Variants in ZNF488 observed in about 807,000 individuals in gnomAD.
The protein encoded by ZNF488 is zinc finger protein 488.
A neutral mutation model predicts 1.2 loss-of-function variants in ZNF488; 1 was observed. That is an observed-to-expected ratio of 0.86 (90% confidence interval 0.30 to 4.07). The LOEUF (loss-of-function observed/expected upper bound fraction) is 4.07. Ranked by LOEUF, ZNF488 falls within the 30% of genes most tolerant of loss-of-function variation. ZNF488 has a pLI of 0.18. For missense variants in ZNF488, 450 were observed against 437.9 expected (o/e 1.03, Z -0.25); for synonymous variants, 185 against 190.1 (o/e 0.97, Z 0.22).
rs1422183455 is a variant in ZNF488 at position 47,370,477 on chromosome 10, GAGTCACCTTAAGGGTGGAGGTCACAC to G, written c.-108-1566_-108-1541del. Among the ~76,000 whole-genome samples, 10 of 152,344 alleles carry G rather than the reference GAGTCACCTTAAGGGTGGAGGTCACAC, an allele frequency of 6.6e-5. No homozygotes were observed. The East Asian group carries it at 1.9e-3, about 29-fold the overall frequency. ...CAGCTGATTGGCCTGTGGGTGCCAA[GAGTCACCTTAAGGGTGGAGGTCACAC>G]AAGGGCCTGGAACTCTGAAAGTACT... is the stretch of plus-strand genomic sequence containing the variant. On this transcript the variant is annotated intron_variant, in intron 1 of 1. Transcript: ENST00000585316.
chr10:47,377,671 TCACACACACACACACACA>T (rs55901237), intron 1 of ZNF488, among the ~76,000 whole-genome samples: 51 of 104,968 alleles, frequency 4.9e-4, no homozygotes, highest in African/African-American at 9.4e-4. Flanking sequence ...GCAATAACAA[TCACACACACACACACACA>T]CACACACACA....
At chr10:47,376,699 AC>A (rs1189299822) in intron 1 of ZNF488, among the ~76,000 whole-genome samples, 6 of 152,140 alleles carry the variant, frequency 3.9e-5, no homozygotes, top group African/African-American at 1.4e-4. Flanking sequence ...AGCCTTCCAG[AC>A]CACCAGATCC....
Position 47,366,027 on chromosome 10 carries a change from C to G in ZNF488, c.*1780G>C, listed in dbSNP as rs1200911577. 1.8e-5 allele frequency: 3 copies of G among 167,016 alleles called. No individual in the cohort carries two copies. Among genetic ancestry groups the G allele is most frequent in the Non-Finnish European group, 4.4e-5 (3 of 68,138 alleles). 10.3% of individuals were successfully genotyped at this position (167,016 alleles called of 1,614,324 possible). ...ACTGGAAGTGTTATAGCATCATCTG[C>G]AATTGACTCATTGTAGAAATGGAAA... On this transcript the variant is annotated 3_prime_UTR_variant, in exon 2 of 2. Transcript: ENST00000585316.
Position 47,365,786 on chromosome 10 carries a change from A to G in ZNF488, c.*2021T>C, listed in dbSNP as rs3167875. 35,013 of 167,156 alleles carry G rather than the reference A, an allele frequency of 0.21. 3,941 individuals carry two copies. The highest frequency in any genetic ancestry group is 0.32 in the Middle Eastern group (94 of 296). 10.4% of individuals were successfully genotyped at this position (167,156 alleles called of 1,614,324 possible). ...AGAAGAAGCCCTGTGGAACCATAGC[A>G]GGAGCAGCACCATGAAGAGCTAGAT... On this transcript the variant is annotated 3_prime_UTR_variant, in exon 2 of 2. Coordinates refer to ENST00000585316, the MANE Select transcript of ZNF488 (RefSeq NM_153034.4).
At chr10:47,383,870 T>C (rs1272002456) in intron 1 of ZNF488, among the ~76,000 whole-genome samples, 1 of 150,084 alleles carries the variant, frequency 6.7e-6, no homozygotes, top group Non-Finnish European at 1.5e-5. Flanking sequence ...AATTCTTGAG[T>C]GCTGAAAAAA....
In ZNF488 at chr10:47,367,895, C is replaced by T. The variant is rs146850128; in HGVS notation, c.935G>A (p.Arg312Gln). ...AGGGCAGGCAAGGGCCTCTTCTCTCCGCTTCTGAGAATGTGGGTCAGGCCC... is the reference window on the plus strand; with the variant it reads ...AGGGCAGGCAAGGGCCTCTTCTCTCTGCTTCTGAGAATGTGGGTCAGGCCC... ...HAGPDPHSQK[R>Q]REEALACPVC... The change falls in exon 2 of 2, where the codon CGG becomes CAG. Residue 312 changes from arginine to glutamine, a missense_variant. Arg to Gln is a conservative substitution (Grantham distance 43). Transcript: ENST00000585316. 56 of 1,613,922 alleles carry T rather than the reference C, an allele frequency of 3.5e-5. No individual in the cohort carries two copies. Among genetic ancestry groups the T allele is most frequent in the African/African-American group, 6.7e-5 (5 of 74,920 alleles).
chr10:47,371,091 T>A (rs1555213812), intron 1 of ZNF488, among the ~76,000 whole-genome samples: 1 of 152,188 alleles, frequency 6.6e-6, no homozygotes, highest in Non-Finnish European at 1.5e-5. Flanking sequence ...CAGAAGGGAC[T>A]GCCCAGGGTT....
At position 47,367,500 on chromosome 10, in the gene ZNF488, A is replaced by G. The variant is rs1391658419; in HGVS notation, c.*307T>C. The G allele has an allele frequency of 2.9e-5, 12 of 409,990 alleles. No homozygotes were observed. The highest frequency in any genetic ancestry group is 5.0e-5 in the Non-Finnish European group (11 of 221,690). The allele number at this position is 409,990 out of a possible 1,614,324, so 25.4% of individuals were successfully genotyped here. On this transcript the variant is annotated 3_prime_UTR_variant, in exon 2 of 2. Coordinates refer to ENST00000585316, the MANE Select transcript of ZNF488 (RefSeq NM_153034.4). ...ACAGCTAGTATGTGAAAGAGCCCAGATTCGAATCCAGGCTTGTGTGCCTCC... is the reference window on the plus strand; with the variant it reads ...ACAGCTAGTATGTGAAAGAGCCCAGGTTCGAATCCAGGCTTGTGTGCCTCC...
intron 1 of ZNF488, among the ~76,000 whole-genome samples, chr10:47,377,718 C>T (rs1425220291): frequency 1.4e-5 from 2 of 145,402 alleles, no homozygotes; most frequent in Admixed American, 7.0e-5. Context: ...CACACACACA[C>T]GGCTGCCACC....
chr10:47,376,373 C>A (rs187917614), intron 1 of ZNF488, among the ~76,000 whole-genome samples: 2 of 152,258 alleles, frequency 1.3e-5, no homozygotes, highest in Non-Finnish European at 2.9e-5. Context: ...GACTGAGGGG[C>A]AGGAATTCAG....
Position 47,367,614 on chromosome 10 carries a change from T to G in ZNF488, c.*193A>C. ...GATTTGCAAAGCCCATCACTTTATTTCAGGACTTCATTTCCTTCAAAACAC... is the reference window on the plus strand; with the variant it reads ...GATTTGCAAAGCCCATCACTTTATTGCAGGACTTCATTTCCTTCAAAACAC... On this transcript the variant is annotated 3_prime_UTR_variant, in exon 2 of 2. Coordinates refer to ENST00000585316, the MANE Select transcript of ZNF488 (RefSeq NM_153034.4). 3 of 695,282 alleles carry G rather than the reference T, an allele frequency of 4.3e-6. No homozygotes were observed. The highest frequency in any genetic ancestry group is 4.1e-5 in the South Asian group (2 of 48,690). The allele number at this position is 695,282 out of a possible 1,614,324, so 43.1% of individuals were successfully genotyped here. A position where few individuals can be genotyped will look rare whatever the true frequency, so the allele number is the denominator to read the frequency against.
chr10:47,368,481 C>T lies in ZNF488; in HGVS notation c.349G>A (p.Ala117Thr), dbSNP rs1399226738. The change falls in exon 2 of 2, where the codon GCC (alanine) becomes ACC (threonine). Residue 117 changes from alanine (A) to threonine (T), a missense_variant. By Grantham distance (58) the Ala-to-Thr change is moderately conservative. Coordinates refer to ENST00000585316, the MANE Select transcript of ZNF488 (RefSeq NM_153034.4). ...GGGTCATCGTGCTCCCTCTCCTGGG[C>T]CTGAGCATCCACCTGCCGGTCCTTC... is the stretch of plus-strand genomic sequence containing the variant. ...RMKDRQVDAQ[A>T]QEREHDDPTG... The T allele has an allele frequency of 3.1e-6, 5 of 1,613,668 alleles. 1 individual carries two copies. In the South Asian group the frequency reaches 4.4e-5, roughly 14 times the overall value.
At chr10:47,370,639 A>T (rs75069302) in intron 1 of ZNF488, among the ~76,000 whole-genome samples, 14,127 of 152,310 alleles carry the variant, frequency 0.093, 706 homozygotes, top group South Asian at 0.12. Context: ...ATAGTGGTGA[A>T]AGCAACAAGC....
At chr10:47,375,052 G>A (rs1268469102) in intron 1 of ZNF488, among the ~76,000 whole-genome samples, 1 of 152,230 alleles carries the variant, frequency 6.6e-6, no homozygotes, top group Non-Finnish European at 1.5e-5. Flanking sequence ...ACGAAACTGA[G>A]TGGACACAGC....
At position 47,367,787 on chromosome 10, in the gene ZNF488, G is replaced by A. The variant is rs532561179; in HGVS notation, c.*20C>T. On this transcript the variant is annotated 3_prime_UTR_variant, in exon 2 of 2. Coordinates refer to ENST00000585316, the MANE Select transcript of ZNF488 (RefSeq NM_153034.4). Reference sequence around the variant, plus strand: ...CAAAGGCTGGCTGCTGCACCCAGCAGGTCATTCTGCGGTCACCTGCTAGCT... The same window carrying A: ...CAAAGGCTGGCTGCTGCACCCAGCAAGTCATTCTGCGGTCACCTGCTAGCT... 23 of 1,592,740 alleles carry A rather than the reference G, an allele frequency of 1.4e-5. No individual in the cohort carries two copies. In the African/African-American group the frequency reaches 2.5e-4, roughly 18 times the overall value.
At chr10:47,372,984 G>GAGGA (rs1246402921) in intron 1 of ZNF488, among the ~76,000 whole-genome samples, 3 of 152,162 alleles carry the variant, frequency 2.0e-5, no homozygotes, top group African/African-American at 7.2e-5. Context: ...ACACAGATGT[G>GAGGA]AGGAAGGAAG....
rs1397438144 is a variant in ZNF488, at chr10:47,373,408, G to C, written c.-108-4471C>G. ...CCAAGAAGCAAATTAAAACAGAAAG[G>C]CACAAAAAGTAGAATGGGAAAGACG... On this transcript the variant is annotated intron_variant, in intron 1 of 1. Coordinates refer to ENST00000585316, the MANE Select transcript of ZNF488 (RefSeq NM_153034.4). Among the ~76,000 whole-genome samples, 5 of 152,074 alleles carry C rather than the reference G, an allele frequency of 3.3e-5. No homozygotes were observed. In the South Asian group the frequency reaches 1.0e-3, roughly 32 times the overall value.
At position 47,368,680 on chromosome 10, in the gene ZNF488, G is replaced by A. The variant is rs79345106; in HGVS notation, c.150C>T (p.Leu50=). 157 of 1,612,490 alleles carry A rather than the reference G, an allele frequency of 9.7e-5. No individual in the cohort carries two copies. Among genetic ancestry groups the A allele is most frequent in the Non-Finnish European group, 1.3e-4 (148 of 1,180,012 alleles). The change falls in exon 2 of 2, where the codon CTC becomes CTT. Residue 50 remains leucine, a synonymous_variant. Transcript: ENST00000585316. ...ELGRGCKPVL[L]EKTNRLGPEA... ...CAGGGCCCAGGCGGTTCGTCTTCTC[G>A]AGCAGCACTGGCTTGCAGCCCCGGC... is the stretch of plus-strand genomic sequence containing the variant.
chr10:47,376,853 C>A (rs1239441060), intron 1 of ZNF488, among the ~76,000 whole-genome samples: 2 of 152,244 alleles, frequency 1.3e-5, no homozygotes, highest in African/African-American at 2.4e-5. Context: ...CTATTTCCCT[C>A]CAGAGCTTGC....
Sources: allele counts gnomAD v4.1 joint callset (sites outside exome capture counted in the v4.1 genomes callset), GRCh38; gene constraint gnomAD v4.1.1; transcripts MANE v1.5; gene names NCBI Gene and HGNC (gene_info 2026-07-23, HGNC 2026-07-21).